The following GPC3 variants were observed in gnomAD, a reference collection of about 807,000 sequenced individuals.
The protein encoded by GPC3 is glypican-3.
Under a neutral mutation model 34.4 loss-of-function variants are expected in GPC3, and 3 were observed. That is an observed-to-expected ratio of 0.09 (90% confidence interval 0.04 to 0.23). The LOEUF (loss-of-function observed/expected upper bound fraction) is 0.23. Among genes scored for constraint, GPC3 ranks in the 10% least tolerant of loss-of-function variants. GPC3 has a pLI of 1.00. For synonymous variants in GPC3, 177 were observed against 174.0 expected, an observed-to-expected ratio of 1.02 and a Z score of -0.13; for missense variants, 351 against 445.6, an observed-to-expected ratio of 0.79 and a Z score of 1.91.
At position 133,855,591 on chromosome X, in the gene GPC3, G is replaced by A. The variant is rs371833644; in HGVS notation, c.337+97459C>T. Reference sequence around the variant, plus strand: ...AGTGGAACAAATTAACATCTCTATCGTCTCACATAGTTACCTTCTTTCTCT... The same window carrying A: ...AGTGGAACAAATTAACATCTCTATCATCTCACATAGTTACCTTCTTTCTCT... On this transcript the variant is annotated intron_variant, in intron 2 of 7. Transcript: ENST00000370818. Among the ~76,000 whole-genome samples the A allele has an allele frequency of 1.9e-4, 19 of 102,674 alleles. No homozygotes were observed. The East Asian group carries it at 4.3e-3, about 23-fold the overall frequency. 89.2% of individuals were successfully genotyped at this position (102,674 alleles called of 115,157 possible).
At chrX:133,558,432 T>C (rs1463871100) in intron 7 of GPC3, among the ~76,000 whole-genome samples, 3 of 110,751 alleles carry the variant, frequency 2.7e-5, no homozygotes, top group Non-Finnish European at 5.7e-5. Flanking sequence ...ATCTCACTAC[T>C]TTTTCTTTTC....
chrX:133,769,072 G>T (rs1424085937), intron 2 of GPC3, among the ~76,000 whole-genome samples: 4 of 112,372 alleles, frequency 3.6e-5, no homozygotes, highest in African/African-American at 1.3e-4. Context: ...AGAACATCCT[G>T]CTGATTGCAA....
intron 2 of GPC3, among the ~76,000 whole-genome samples, chrX:133,854,327 T>A (rs1425672390): frequency 8.0e-5 from 9 of 112,219 alleles, no homozygotes; most frequent in African/African-American, 2.9e-4. Flanking sequence ...ATGAAGAGAT[T>A]TCAAAAGCTA....
intron 2 of GPC3, among the ~76,000 whole-genome samples, chrX:133,760,797 A>G (rs2071780531): frequency 1.8e-5 from 2 of 111,851 alleles, no homozygotes; most frequent in South Asian, 3.7e-4. Flanking sequence ...ATAATAATGT[A>G]TCAATATTGG....
intron 6 of GPC3, among the ~76,000 whole-genome samples, chrX:133,610,224 T>C (rs1015011958): frequency 9.0e-6 from 1 of 111,592 alleles, no homozygotes; most frequent in Non-Finnish European, 1.9e-5. Flanking sequence ...TGGCCCTCTT[T>C]GGTGGATAGG....
rs189670704 is a variant in GPC3 at position 133,762,529 on chromosome X, A to G, written c.338-8353T>C. Among the ~76,000 whole-genome samples the G allele has an allele frequency of 4.5e-5, 5 of 111,553 alleles. No individual in the cohort carries two copies. The Admixed American group carries it at 4.8e-4, about 11-fold the overall frequency. On this transcript the variant is annotated intron_variant, in intron 2 of 7. Coordinates refer to ENST00000370818, the MANE Select transcript of GPC3 (RefSeq NM_004484.4). ...TAAACATTTGAACAAGCAAAAGACA[A>G]CCCCGTTAAAACATGGGCAAAATAC...
chrX:133,869,904 G>A (rs1388735853), intron 2 of GPC3, among the ~76,000 whole-genome samples: 2 of 112,374 alleles, frequency 1.8e-5, no homozygotes, highest in African/African-American at 6.5e-5. Context: ...GCAGTGAGCC[G>A]AGATCACGCC....
chrX:133,781,789 AGTGAGTGCCCGCTCT>A (rs1361373478), intron 2 of GPC3, among the ~76,000 whole-genome samples: 1 of 111,470 alleles, frequency 9.0e-6, no homozygotes, highest in African/African-American at 3.3e-5. Context: ...TCCTGTGTTC[AGTGAGTGCCCGCTCT>A]GTGCCAGACA....
Position 133,661,821 on chromosome X carries a change from A to G in GPC3, c.1322T>C (p.Met441Thr), listed in dbSNP as rs1569408738. ...CTCATGGAGATTGAACTGGTTTTTC[A>G]TTCCATTCCTTGCTGCCTTTTGGCT... ...RYSQKAARNGMKNQFNLHELK... is the reference protein window; with the variant it reads ...RYSQKAARNGTKNQFNLHELK... The change falls in exon 6 of 8, where the codon ATG (methionine) becomes ACG (threonine). Residue 441 changes from methionine (M) to threonine (T), a missense_variant. Coordinates refer to ENST00000370818, the MANE Select transcript of GPC3 (RefSeq NM_004484.4). The G allele has an allele frequency of 8.4e-7, 1 of 1,195,313 alleles. No individual in the cohort carries two copies. The highest frequency in any genetic ancestry group is 1.1e-6 in the Non-Finnish European group (1 of 882,096).
chrX:133,638,295 T>G (rs2070448464), intron 6 of GPC3, among the ~76,000 whole-genome samples: 1 of 111,986 alleles, frequency 8.9e-6, no homozygotes, highest in African/African-American at 3.2e-5. Context: ...CAGTTAATTT[T>G]CTTATTCTCA....
At chrX:133,615,410 T>C (rs755773905) in intron 6 of GPC3, among the ~76,000 whole-genome samples, 1 of 111,446 alleles carries the variant, frequency 9.0e-6, no homozygotes, top group Non-Finnish European at 1.9e-5. Flanking sequence ...AATCAATGTA[T>C]ACAATATATT....
rs573609906 is a variant in GPC3 at position 133,869,817 on chromosome X, C to T, written c.337+83233G>A. 6.1e-3 allele frequency among the ~76,000 whole-genome samples: 676 copies of T among 111,065 alleles called. 6 individuals are homozygous for T. Among genetic ancestry groups the T allele is most frequent in the African/African-American group, 0.019 (591 of 30,570 alleles). ...AAATACAAAAAAAATTAGCCGGGCG[C>T]GGTGGTGGGCGCCTGTAGTCCCAGC... On this transcript the variant is annotated intron_variant, in intron 2 of 7. Transcript: ENST00000370818.
At chrX:133,599,668 T>C (rs1490335401) in intron 6 of GPC3, among the ~76,000 whole-genome samples, 2 of 112,030 alleles carry the variant, frequency 1.8e-5, no homozygotes, top group Non-Finnish European at 3.8e-5. Context: ...TATCATTATG[T>C]CTTATGAGAA....
intron 2 of GPC3, among the ~76,000 whole-genome samples, chrX:133,930,246 A>G (rs749772082): frequency 8.9e-6 from 1 of 112,085 alleles, no homozygotes; most frequent in African/African-American, 3.2e-5. Context: ...GGGACATTTG[A>G]CAACATTTTT....
At chrX:133,776,187 G>T (rs1267287789) in intron 2 of GPC3, among the ~76,000 whole-genome samples, 3 of 111,850 alleles carry the variant, frequency 2.7e-5, no homozygotes, top group Non-Finnish European at 5.6e-5. Flanking sequence ...AAACTGAGGA[G>T]ATATTGTTAA....
chrX:133,599,619 C>T (rs181549451), intron 6 of GPC3, among the ~76,000 whole-genome samples: 2 of 111,845 alleles, frequency 1.8e-5, no homozygotes, highest in African/African-American at 6.5e-5. Context: ...TAGCCTATAA[C>T]ATCACTTCAG....
chrX:133,939,237 C>G (rs1326057195), intron 2 of GPC3, among the ~76,000 whole-genome samples: 1 of 112,054 alleles, frequency 8.9e-6, no homozygotes, highest in Non-Finnish European at 1.9e-5. Flanking sequence ...GAGAAAATAA[C>G]AATCGTGCCA....
intron 6 of GPC3, among the ~76,000 whole-genome samples, chrX:133,629,914 C>G (rs1296778407): frequency 9.2e-6 from 1 of 109,193 alleles, no homozygotes; most frequent in Non-Finnish European, 1.9e-5. Context: ...ATTAGTCAGG[C>G]ATGGTGGTGC....
chrX:133,728,366 G>GA (rs397740919), intron 3 of GPC3, among the ~76,000 whole-genome samples: 1 of 110,898 alleles, frequency 9.0e-6, no homozygotes, highest in South Asian at 3.8e-4. Flanking sequence ...AAAGGAGGAG[G>GA]GAAGGAAAGA....
Sources: gnomAD v4.1 joint callset for allele counts (sites outside exome capture counted in the v4.1 genomes callset) on GRCh38, gnomAD v4.1.1 for gene constraint, MANE v1.5 for transcripts, NCBI Gene and HGNC (gene_info 2026-07-23, HGNC 2026-07-21) for gene names.